Variants in CUL3 observed in about 807,000 individuals in gnomAD.
CUL3 encodes cullin 3.
A neutral mutation model predicts 89.1 loss-of-function variants in CUL3; 19 were observed. That is an observed-to-expected ratio of 0.21 (90% CI 0.15 to 0.31). The LOEUF (loss-of-function observed/expected upper bound fraction) is 0.31, where lower values mean the gene tolerates loss of function less well. Ranked by LOEUF, CUL3 falls within the 10% of genes least tolerant of loss-of-function variation. The pLI, the probability that CUL3 is intolerant of heterozygous loss-of-function variation, is 1.00. For synonymous variants in CUL3, 351 were observed against 308.4 expected (o/e 1.14, Z -1.45); for missense variants, 469 against 942.3 (o/e 0.50, Z 6.58).
rs557340536 is a variant in CUL3, at chr2:224,540,113, G to A, written c.265-4472C>T. On this transcript the variant is annotated intron_variant, in intron 2 of 15. Coordinates refer to ENST00000264414, the MANE Select transcript of CUL3 (RefSeq NM_003590.5). The stretch of plus-strand genomic sequence containing the variant: ...GCTCTGTTGCCCAGGCTGGGGTCCA[G>A]TGGCGCAATCTTGGCTCACTGCAAC... Among the ~76,000 whole-genome samples the A allele has an allele frequency of 6.0e-5, 9 of 150,312 alleles. No individual in the cohort carries two copies. The South Asian group carries it at 6.3e-4, about 10-fold the overall frequency.
At chr2:224,569,565 A>G (rs1451897417) in intron 1 of CUL3, 3 of 345,944 alleles carry the variant, frequency 8.7e-6, no homozygotes, top group Non-Finnish European at 1.2e-5. Context: ...ACAAAAATAA[A>G]TCTATAATGG....
chr2:224,544,525 A>T (rs1437423453), intron 2 of CUL3, among the ~76,000 whole-genome samples: 3 of 97,154 alleles, frequency 3.1e-5, no homozygotes, highest in African/African-American at 8.3e-5. Flanking sequence ...AAAAAAAGTT[A>T]AAAAATAAAA....
At chr2:224,530,397 G>T (rs753074523) in intron 3 of CUL3, among the ~76,000 whole-genome samples, 1 of 152,012 alleles carries the variant, frequency 6.6e-6, no homozygotes, top group Non-Finnish European at 1.5e-5. Flanking sequence ...AACCTGCATA[G>T]TTGGTAATAT....
At chr2:224,506,202 GT>G in intron 7 of CUL3, 70 bp from the exon 8 acceptor site, 1 of 1,030,598 alleles carries the variant, frequency 9.7e-7, no homozygotes, top group Non-Finnish European at 1.4e-6. Context: ...TTATGACCAT[GT>G]ATGTTTATCT....
At chr2:224,509,497 C>T (rs375069526) in intron 6 of CUL3, among the ~76,000 whole-genome samples, 4 of 152,294 alleles carry the variant, frequency 2.6e-5, no homozygotes, top group East Asian at 1.9e-4. Context: ...AGATTACAGG[C>T]GTTTGCCACC....
chr2:224,581,157 G>C (rs1379319763), intron 1 of CUL3, among the ~76,000 whole-genome samples: 1 of 152,088 alleles, frequency 6.6e-6, no homozygotes, highest in Non-Finnish European at 1.5e-5. Context: ...AGCACTTTGA[G>C]AGGCCAAGGC....
intron 1 of CUL3, among the ~76,000 whole-genome samples, chr2:224,563,612 A>T (rs1182095086): frequency 6.6e-6 from 1 of 152,222 alleles, no homozygotes; most frequent in Non-Finnish European, 1.5e-5. Flanking sequence ...TAAATAAAAA[A>T]TTCCAGAAAT....
chr2:224,481,831 AT>A (rs1691549021), intron 14 of CUL3, 60 bp downstream of exon 14: 1 of 1,195,628 alleles, frequency 8.4e-7, no homozygotes, highest in South Asian at 2.1e-5. Context: ...AATAGATGAG[AT>A]TTTTTTTCTA....
At chr2:224,568,477 G>A (rs537771514) in intron 1 of CUL3, among the ~76,000 whole-genome samples, 3 of 152,178 alleles carry the variant, frequency 2.0e-5, no homozygotes, top group Non-Finnish European at 4.4e-5. Flanking sequence ...TTATACCAAT[G>A]TAATTTTGAC....
At chr2:224,480,204 A>G (rs1691482474) in intron 14 of CUL3, 1 of 152,278 alleles carries the variant, frequency 6.6e-6, no homozygotes, top group Admixed American at 6.5e-5. Flanking sequence ...TTATTTTAGT[A>G]ATTCCTTTAA....
At chr2:224,552,970 G>A (rs982539488) in intron 2 of CUL3, among the ~76,000 whole-genome samples, 75 of 152,200 alleles carry the variant, frequency 4.9e-4, no homozygotes, top group African/African-American at 1.8e-3. Context: ...AAGATGCAAT[G>A]CAGAGATAGG....
chr2:224,479,340 TAATC>T (rs1691444619), intron 14 of CUL3: 1 of 150,774 alleles, frequency 6.6e-6, no homozygotes, highest in Non-Finnish European at 1.5e-5. Flanking sequence ...AAGTGTAAGA[TAATC>T]AATATCTTAG....
chr2:224,510,262 A>G (rs1444820992), intron 6 of CUL3, among the ~76,000 whole-genome samples: 32 of 149,836 alleles, frequency 2.1e-4, no homozygotes, highest in African/African-American at 7.4e-4. Context: ...GTTTAACTGA[A>G]GAGTCTTTTA....
intron 1 of CUL3, among the ~76,000 whole-genome samples, chr2:224,566,584 G>A (rs2106316865): frequency 6.6e-6 from 1 of 152,282 alleles, no homozygotes; most frequent in South Asian, 2.1e-4. Context: ...GATGGTGTCT[G>A]GGAACTTGTC....
At chr2:224,506,727 T>A (rs963614065) in intron 7 of CUL3, 131 bp downstream of exon 7, 63 of 766,220 alleles carry the variant, frequency 8.2e-5, no homozygotes, top group Non-Finnish European at 1.2e-4. Context: ...GTAGGATAAT[T>A]ACAAATATTA....
intron 8 of CUL3, chr2:224,504,296 ACTTT>A (rs1335225748): frequency 6.6e-6 from 1 of 152,390 alleles, no homozygotes; most frequent in Non-Finnish European, 1.5e-5. Context: ...CATTGCCCTT[ACTTT>A]ATTTTTTTAT....
chr2:224,569,956 CAAAAAAA>C (rs71062948), intron 1 of CUL3: 2 of 59,490 alleles, frequency 3.4e-5, no homozygotes, highest in Non-Finnish European at 6.3e-5. Flanking sequence ...GCTCCAGTCT[CAAAAAAA>C]AAAAAAAAAA....
chr2:224,526,263 A>C (rs1693468894), intron 3 of CUL3, among the ~76,000 whole-genome samples: 1 of 152,164 alleles, frequency 6.6e-6, no homozygotes, highest in African/African-American at 2.4e-5. Flanking sequence ...TATGTATACA[A>C]GTTCATTCCC....
Position 224,585,155 on chromosome 2 carries a change from GGGCAGCCGCGGCGGC to G in CUL3, c.-161_-147del, listed in dbSNP as rs1232058895. On this transcript the variant is annotated 5_prime_UTR_variant, in exon 1 of 16. Coordinates refer to ENST00000264414, the MANE Select transcript of CUL3 (RefSeq NM_003590.5). ...AGGGCTGGGGAGCTGGCCGGCCCCT[GGGCAGCCGCGGCGGC>G]GGCGGGGGCGGCGGCGGCGGCGGCG... is the stretch of plus-strand genomic sequence containing the variant. 1.7e-5 allele frequency: 7 copies of G among 401,024 alleles called. No homozygotes were observed. In the Admixed American group the frequency reaches 4.3e-4, roughly 25 times the overall value. 24.8% of individuals were successfully genotyped at this position (401,024 alleles called of 1,614,324 possible). A position where few individuals can be genotyped will look rare whatever the true frequency, so the allele number is the denominator to read the frequency against.
Sources: gnomAD v4.1 joint callset for allele counts (sites outside exome capture counted in the v4.1 genomes callset) on GRCh38, gnomAD v4.1.1 for gene constraint, MANE v1.5 for transcripts, NCBI Gene and HGNC (gene_info 2026-07-23, HGNC 2026-07-21) for gene names.